The following NOTCH3 variants were observed in gnomAD, a reference collection of about 807,000 sequenced individuals.
The protein encoded by NOTCH3 is notch receptor 3.
A neutral mutation model predicts 213.3 loss-of-function variants in NOTCH3; 86 were observed. The observed-to-expected ratio is 0.40, with a 90% CI of 0.34 to 0.48. NOTCH3 has a LOEUF of 0.48. NOTCH3 is among the 20% of genes least tolerant of loss of function. The pLI is 0.57. For missense variants in NOTCH3, 2,783 were observed against 3,272.6 expected, an observed-to-expected ratio of 0.85 and a Z score of 3.65; for synonymous variants, 1,354 against 1,355.9, an observed-to-expected ratio of 1.00 and a Z score of 0.03.
chr19:15,186,813 C>G, intron 12 of NOTCH3, 65 bp downstream of exon 12: 1 of 1,302,024 alleles, frequency 7.7e-7, no homozygotes, highest in South Asian at 1.2e-5. Flanking sequence ...GCAAAACAGG[C>G]CCACAGAGAC....
intron 2 of NOTCH3, among the ~76,000 whole-genome samples, chr19:15,196,661 C>T (rs964489604): frequency 3.9e-5 from 6 of 152,142 alleles, no homozygotes; most frequent in Non-Finnish European, 8.8e-5. Flanking sequence ...CTTAGAGCAC[C>T]TGTTTCCTGC....
At chr19:15,194,466 T>G (rs1199791344) in intron 2 of NOTCH3, among the ~76,000 whole-genome samples, 3 of 152,082 alleles carry the variant, frequency 2.0e-5, no homozygotes, top group Non-Finnish European at 4.4e-5. Context: ...GAGAATAAAT[T>G]ACTATTGTTC....
intron 16 of NOTCH3, among the ~76,000 whole-genome samples, chr19:15,182,615 T>A (rs2046849843): frequency 6.6e-6 from 1 of 151,754 alleles, no homozygotes; most frequent in Non-Finnish European, 1.5e-5. Flanking sequence ...ATACATTTAT[T>A]TATTTATTTA....
intron 16 of NOTCH3, among the ~76,000 whole-genome samples, chr19:15,182,210 A>G (rs1282263126): frequency 3.3e-5 from 5 of 152,090 alleles, no homozygotes; most frequent in African/African-American, 1.2e-4. Context: ...AAGACTTGGT[A>G]TGAAAAAAAA....
Position 15,195,034 on chromosome 19 carries a change from A to T in NOTCH3, c.197+2466T>A, listed in dbSNP as rs2046958694. Among the ~76,000 whole-genome samples, 4 of 151,962 alleles carry T rather than the reference A, an allele frequency of 2.6e-5. No individual in the cohort carries two copies. In the South Asian group the frequency reaches 8.3e-4, roughly 32 times the overall value. On this transcript the variant is annotated intron_variant, in intron 2 of 32. Coordinates refer to ENST00000263388, the MANE Select transcript of NOTCH3 (RefSeq NM_000435.3). ...CACAACCACGCAGGCACACACAGAC[A>T]GGCCCAGAAACCACAGCTACACACA...
At position 15,160,136 on chromosome 19, in the gene NOTCH3, C is replaced by T. The variant is rs565262654; in HGVS notation, c.*526G>A. On this transcript the variant is annotated 3_prime_UTR_variant, in exon 33 of 33. Transcript: ENST00000263388. ...TGTACTCGGTACACGGGATCCCAGTCATGCCTGTGTACTAGGTACACAGAA... is the reference window on the plus strand; with the variant it reads ...TGTACTCGGTACACGGGATCCCAGTTATGCCTGTGTACTAGGTACACAGAA... 1.7e-5 allele frequency: 4 copies of T among 235,734 alleles called. No homozygotes were observed. The East Asian group carries it at 2.4e-4, about 14-fold the overall frequency. The allele number at this position is 235,734 out of a possible 1,614,324, so 14.6% of individuals were successfully genotyped here.
intron 2 of NOTCH3, among the ~76,000 whole-genome samples, chr19:15,195,191 C>T (rs2046959932): frequency 1.3e-5 from 2 of 152,052 alleles, no homozygotes. Context: ...CCTCAAGTCC[C>T]TTCTCTGGGA....
chr19:15,198,728 G>A (rs2046988358), intron 1 of NOTCH3, among the ~76,000 whole-genome samples: 1 of 151,954 alleles, frequency 6.6e-6, no homozygotes, highest in South Asian at 2.1e-4. Flanking sequence ...TCCACCCTGG[G>A]CAACAAGAGC....
chr19:15,196,250 A>G (rs2046969801), intron 2 of NOTCH3, among the ~76,000 whole-genome samples: 2 of 152,202 alleles, frequency 1.3e-5, no homozygotes, highest in African/African-American at 4.8e-5. Flanking sequence ...ACCTGTCGGC[A>G]GTATTCCAGG....
At chr19:15,181,291 GC>G in intron 17 of NOTCH3, 129 bp from the exon 18 acceptor site, 1 of 885,914 alleles carries the variant, frequency 1.1e-6, no homozygotes, top group Non-Finnish European at 1.8e-6. Flanking sequence ...AGAAGCTGCA[GC>G]CCCAGCAGAA....
chr19:15,170,713 C>T lies in NOTCH3; in HGVS notation c.4849G>A (p.Val1617Met), dbSNP rs750303502. The T allele has an allele frequency of 2.3e-5, 37 of 1,601,182 alleles. No homozygotes were observed. In the South Asian group the frequency reaches 4.0e-4, roughly 17 times the overall value. Residue 1617 changes from valine to methionine, a missense_variant, in exon 26 of 33, where the codon GTG becomes ATG. By Grantham distance (21) the Val-to-Met change is conservative. Around this residue, in one of 6 missense-constraint regions of NOTCH3, gnomAD observed 636 missense variants for 801.8 expected, o/e 0.79. Transcript: ENST00000263388. ...AADYLGALSA[V>M]ERLDFPYPLR... is the part of the protein sequence containing the mutation. The stretch of plus-strand genomic sequence containing the variant: ...GGGTACGGGAAGTCCAGGCGCTCCA[C>T]CGCTGACAACGCTCCCAGGTAGTCA...
chr19:15,199,033 C>T lies in NOTCH3; in HGVS notation c.119-1455G>A, dbSNP rs184408855. Among the ~76,000 whole-genome samples the T allele has an allele frequency of 2.6e-4, 39 of 152,292 alleles. No individual in the cohort carries two copies. The South Asian group carries it at 4.3e-3, about 17-fold the overall frequency. ...TATGCCCCTTCCTCACAGGACAAGCCGACTGGACACCATCACCCACACCAG... is the reference window on the plus strand; with the variant it reads ...TATGCCCCTTCCTCACAGGACAAGCTGACTGGACACCATCACCCACACCAG... On this transcript the variant is annotated intron_variant, in intron 1 of 32. Coordinates refer to ENST00000263388, the MANE Select transcript of NOTCH3 (RefSeq NM_000435.3).
rs1277209497 is a variant in NOTCH3 at position 15,187,167 on chromosome 19, T to C, written c.1778A>G (p.His593Arg). 2 of 1,614,138 alleles carry C rather than the reference T, an allele frequency of 1.2e-6. No homozygotes were observed. The highest frequency in any genetic ancestry group is 2.2e-5 in the East Asian group (1 of 44,864). ...CACCAGGTCTAGGCATTTGCCGCCA[T>C]GGCGGCAGGGCTGGCTGCGGCATTC... ...VDECRSQPCR[H>R]GGKCLDLVDK... Residue 593 changes from histidine (H) to arginine (R), a missense_variant, in exon 11 of 33, where the codon CAT (histidine) becomes CGT (arginine). Transcript: ENST00000263388.
intron 2 of NOTCH3, among the ~76,000 whole-genome samples, chr19:15,192,944 TC>T (rs2046941908): frequency 6.6e-6 from 1 of 151,856 alleles, no homozygotes; most frequent in African/African-American, 2.4e-5. Context: ...AAACACACAT[TC>T]ATTCATGCAA....
chr19:15,194,076 C>A lies in NOTCH3; in HGVS notation c.198-1557G>T, dbSNP rs556575988. On this transcript the variant is annotated intron_variant, in intron 2 of 32. Coordinates refer to ENST00000263388, the MANE Select transcript of NOTCH3 (RefSeq NM_000435.3). ...CAGCCTGGGTGACAGAGAGAGACTC[C>A]ACCTAAAAAATAAAAATAAAAGATT... is the stretch of plus-strand genomic sequence containing the variant. 5.3e-5 allele frequency among the ~76,000 whole-genome samples: 8 copies of A among 151,312 alleles called. No homozygotes were observed. The East Asian group carries it at 1.6e-3, about 29-fold the overall frequency.
At chr19:15,197,113 G>A (rs566933655) in intron 2 of NOTCH3, among the ~76,000 whole-genome samples, 1 of 152,272 alleles carries the variant, frequency 6.6e-6, no homozygotes, top group African/African-American at 2.4e-5. Context: ...GGGGTGTGGA[G>A]GGTGTGAGCC....
At chr19:15,170,248 C>T in intron 27 of NOTCH3, 78 bp from the exon 28 acceptor site, 1 of 1,512,172 alleles carries the variant, frequency 6.6e-7, no homozygotes, top group Non-Finnish European at 9.2e-7. Flanking sequence ...GGGGTGGGGT[C>T]AGAGGTCTGA....
rs202039658 is a variant in NOTCH3, at chr19:15,187,304, G to A, written c.1641C>T (p.Asp547=). ...FEGTLCDRNV[D]DCSPDPCHHG... ...GGTGGCATGGGTCAGGGGAGCAGTCGTCCACGTTGCGATCACACAGCGTGC... is the reference window on the plus strand; with the variant it reads ...GGTGGCATGGGTCAGGGGAGCAGTCATCCACGTTGCGATCACACAGCGTGC... Residue 547 remains aspartate (D), a synonymous_variant, in exon 11 of 33, where the codon GAC becomes GAT. Coordinates refer to ENST00000263388, the MANE Select transcript of NOTCH3 (RefSeq NM_000435.3). 108 of 1,613,888 alleles carry A rather than the reference G, an allele frequency of 6.7e-5. 2 individuals are homozygous for A. The highest frequency in any genetic ancestry group is 3.7e-5 in the Non-Finnish European group (44 of 1,179,978).
At chr19:15,184,883 G>A in intron 15 of NOTCH3, 23 bp downstream of exon 15, 2 of 1,301,754 alleles carry the variant, frequency 1.5e-6, no homozygotes, top group Non-Finnish European at 2.2e-6. Context: ...GAGAGGAGGA[G>A]GGAAGAGAAG....
Sources: gnomAD v4.1 joint callset for allele counts (sites outside exome capture counted in the v4.1 genomes callset) on GRCh38, gnomAD v4.1.1 for gene constraint, gnomAD v4.1.1 regional missense constraint, MANE v1.5 for transcripts, NCBI Gene and HGNC (gene_info 2026-07-23, HGNC 2026-07-21) for gene names.